Variants in MAGI1 observed in about 807,000 individuals in gnomAD.
MAGI1 encodes the protein membrane-associated guanylate kinase, WW and PDZ domain-containing protein 1.
MAGI1 carries 58 observed loss-of-function variants against 139.9 expected under a neutral mutation model. The ratio of observed to expected loss-of-function variants is 0.41; its 90% CI spans 0.34 to 0.52. The LOEUF (loss-of-function observed/expected upper bound fraction) is 0.52. Ranked by LOEUF, MAGI1 falls within the 20% of genes least tolerant of loss-of-function variation. MAGI1 has a pLI of 0.12. For synonymous variants in MAGI1, 812 were observed against 737.9 expected, an observed-to-expected ratio of 1.10 and a Z score of -1.63; for missense variants, 1,874 against 1,901.6, an observed-to-expected ratio of 0.99 and a Z score of 0.27.
chr3:65,874,187 G>C (rs1427903420), intron 1 of MAGI1: 1 of 152,192 alleles, frequency 6.6e-6, no homozygotes, highest in African/African-American at 2.4e-5. Context: ...TCAGAAGGCT[G>C]GGGTGGGAAG....
intron 2 of MAGI1, among the ~76,000 whole-genome samples, chr3:65,580,987 C>T (rs561313238): frequency 3.3e-5 from 5 of 152,136 alleles, no homozygotes; most frequent in Non-Finnish European, 7.3e-5. Flanking sequence ...GACTCCAGCC[C>T]TTCTCTGAGC....
At chr3:65,536,775 T>C (rs1230087121) in intron 2 of MAGI1, among the ~76,000 whole-genome samples, 2 of 152,170 alleles carry the variant, frequency 1.3e-5, no homozygotes, top group African/African-American at 2.4e-5. Context: ...TCACTTTTCA[T>C]GAAGGATGCT....
chr3:65,817,715 T>C (rs1394872986), intron 1 of MAGI1, among the ~76,000 whole-genome samples: 2 of 152,238 alleles, frequency 1.3e-5, no homozygotes, highest in Non-Finnish European at 2.9e-5. Flanking sequence ...CACAACTCTT[T>C]TGGACCATTC....
chr3:65,718,308 G>T (rs530898106), intron 1 of MAGI1, among the ~76,000 whole-genome samples: 1 of 152,004 alleles, frequency 6.6e-6, no homozygotes, highest in Non-Finnish European at 1.5e-5. Context: ...TTCCTAAGAT[G>T]ATGAAAAAAA....
At chr3:65,469,426 A>G (rs188477419) in intron 5 of MAGI1, among the ~76,000 whole-genome samples, 5 of 152,014 alleles carry the variant, frequency 3.3e-5, no homozygotes, top group Admixed American at 3.3e-4. Context: ...AAAACTGACT[A>G]CTGTTGGTTA....
At chr3:66,037,783 T>G (rs2069020314) in intron 1 of MAGI1, among the ~76,000 whole-genome samples, 1 of 152,104 alleles carries the variant, frequency 6.6e-6, no homozygotes, top group Non-Finnish European at 1.5e-5. Flanking sequence ...CCCGCTACCT[T>G]GCGCAAACCC....
At chr3:65,598,832 G>A (rs995545447) in intron 2 of MAGI1, among the ~76,000 whole-genome samples, 2 of 152,186 alleles carry the variant, frequency 1.3e-5, no homozygotes, top group African/African-American at 4.8e-5. Context: ...TGTTTCTTTT[G>A]AGGGATCCTT....
chr3:65,928,750 C>G lies in MAGI1; in HGVS notation c.313+109246G>C, dbSNP rs528838566. ...TGTGTAGTTTCCCTTTTAAAACCTA[C>G]GTTTTCAAATAAAAATGCAACCACA... On this transcript the variant is annotated intron_variant, in intron 1 of 22. Coordinates refer to ENST00000402939, the MANE Select transcript of MAGI1 (RefSeq NM_001033057.2). 4.1e-4 allele frequency among the ~76,000 whole-genome samples: 63 copies of G among 152,206 alleles called. 1 individual carries two copies. The highest frequency in any genetic ancestry group is 6.8e-3 in the Middle Eastern group (2 of 294).
At position 65,859,908 on chromosome 3, in the gene MAGI1, T is replaced by TTTG. The variant is rs201388229; in HGVS notation, c.313+178087_313+178088insCAA. 5.0e-3 allele frequency among the ~76,000 whole-genome samples: 631 copies of TTTG among 126,248 alleles called. 4 individuals carry two copies. The highest frequency in any genetic ancestry group is 0.014 in the East Asian group (72 of 5,050). 82.8% of individuals were successfully genotyped at this position (126,248 alleles called of 152,430 possible). A position where few individuals can be genotyped will look rare whatever the true frequency, so the allele number is the denominator to read the frequency against. The stretch of plus-strand genomic sequence containing the variant: ...TTTTTTTGTTTGTTTTTGTTTTTGT[T>TTTG]TTTTTTTTTTTGAGACACAATTTTG... On this transcript the variant is annotated intron_variant, in intron 1 of 22. Coordinates refer to ENST00000402939, the MANE Select transcript of MAGI1 (RefSeq NM_001033057.2).
At chr3:65,804,916 C>A (rs995063619) in intron 1 of MAGI1, among the ~76,000 whole-genome samples, 1 of 152,118 alleles carries the variant, frequency 6.6e-6, no homozygotes, top group Non-Finnish European at 1.5e-5. Context: ...CCCTTCCTTA[C>A]ACCTTATACA....
At chr3:65,891,836 A>T (rs1439753626) in intron 1 of MAGI1, among the ~76,000 whole-genome samples, 1 of 141,830 alleles carries the variant, frequency 7.1e-6, no homozygotes, top group Non-Finnish European at 1.5e-5. Flanking sequence ...ATGTATACAT[A>T]CGTAACAAAC....
intron 1 of MAGI1, among the ~76,000 whole-genome samples, chr3:65,965,363 G>A (rs1031156291): frequency 2.6e-5 from 4 of 152,082 alleles, no homozygotes; most frequent in Non-Finnish European, 4.4e-5. Context: ...ATTTTAAATG[G>A]AAACTTCATA....
At chr3:65,610,973 CTA>C (rs1314712625) in intron 2 of MAGI1, among the ~76,000 whole-genome samples, 2 of 129,332 alleles carry the variant, frequency 1.5e-5, no homozygotes, top group Non-Finnish European at 3.2e-5. Context: ...TATATAGACA[CTA>C]TATAGTAGAT....
rs1183750243 is a variant in MAGI1 at position 65,510,139 on chromosome 3, C to A, written c.431-16508G>T. 3.3e-5 allele frequency among the ~76,000 whole-genome samples: 5 copies of A among 152,282 alleles called. No individual in the cohort carries two copies. In the East Asian group the frequency reaches 9.7e-4, roughly 30 times the overall value. ...TAACAAACAGAAAGGACACCCACAC[C>A]AAAAACCCATCTGTACATCACCATC... is the stretch of plus-strand genomic sequence containing the variant. On this transcript the variant is annotated intron_variant, in intron 2 of 22. Coordinates refer to ENST00000402939, the MANE Select transcript of MAGI1 (RefSeq NM_001033057.2).
intron 1 of MAGI1, among the ~76,000 whole-genome samples, chr3:65,999,886 G>A (rs145699833): frequency 1.4e-3 from 209 of 149,088 alleles, no homozygotes; most frequent in Non-Finnish European, 2.2e-3. Flanking sequence ...CTACCTAAAA[G>A]TAAAGAAACT....
intron 2 of MAGI1, among the ~76,000 whole-genome samples, chr3:65,528,352 A>G (rs1199084978): frequency 1.3e-5 from 2 of 152,222 alleles, no homozygotes; most frequent in East Asian, 1.9e-4. Context: ...ACATGGTGCT[A>G]CTTTACATAG....
At chr3:65,812,396 G>T (rs565510737) in intron 1 of MAGI1, among the ~76,000 whole-genome samples, 15 of 151,418 alleles carry the variant, frequency 9.9e-5, no homozygotes, top group African/African-American at 3.4e-4. Context: ...ATACATTACG[G>T]TTGAAAAAAT....
At chr3:65,510,219 A>C (rs2077511545) in intron 2 of MAGI1, among the ~76,000 whole-genome samples, 1 of 152,244 alleles carries the variant, frequency 6.6e-6, no homozygotes, top group African/African-American at 2.4e-5. Context: ...CAGAACAGAA[A>C]AACTGGAAAC....
chr3:65,717,641 C>T (rs759642995), intron 1 of MAGI1: 3 of 152,150 alleles, frequency 2.0e-5, no homozygotes, highest in Admixed American at 6.6e-5. Context: ...AACATAAAAA[C>T]GGAGATGAAA....
Sources: allele counts gnomAD v4.1 joint callset (sites outside exome capture counted in the v4.1 genomes callset), GRCh38; gene constraint gnomAD v4.1.1; transcripts MANE v1.5; gene names NCBI Gene and HGNC (gene_info 2026-07-23, HGNC 2026-07-21).